NOTCH2: variants seen among roughly 807,000 people sequenced by gnomAD.
NOTCH2 encodes neurogenic locus notch homolog protein 2.
NOTCH2 carries 29 observed loss-of-function variants against 235.8 expected under a neutral mutation model. The ratio of observed to expected loss-of-function variants is 0.12; its 90% CI spans 0.09 to 0.17. NOTCH2 has a LOEUF of 0.17. Among genes scored for constraint, NOTCH2 ranks in the 10% least tolerant of loss-of-function variants. The pLI is 1.00. For missense variants in NOTCH2, 2,285 were observed against 3,150.2 expected, an observed-to-expected ratio of 0.73 and a Z score of 6.57; for synonymous variants, 1,086 against 1,141.5, an observed-to-expected ratio of 0.95 and a Z score of 0.98.
At position 120,009,146 on chromosome 1, in the gene NOTCH2, G is replaced by A. The variant is rs1382251737; in HGVS notation, c.156-3558C>T. ...CCATAACACAGAGAGCAGCCCTAGCGTGTCTGAGAAACAGCAAGAATATCT... is the reference window on the plus strand; with the variant it reads ...CCATAACACAGAGAGCAGCCCTAGCATGTCTGAGAAACAGCAAGAATATCT... On this transcript the variant is annotated intron_variant, in intron 2 of 33. Coordinates refer to ENST00000256646, the MANE Select transcript of NOTCH2 (RefSeq NM_024408.4). Among the ~76,000 whole-genome samples, 8 of 152,302 alleles carry A rather than the reference G, an allele frequency of 5.3e-5. No homozygotes were observed. In the South Asian group the frequency reaches 6.2e-4, roughly 12 times the overall value.
At chr1:119,925,857 G>A (rs1557806883) in intron 24 of NOTCH2, 47 bp from the exon 25 acceptor site, 1 of 1,608,650 alleles carries the variant, frequency 6.2e-7, no homozygotes, top group East Asian at 2.2e-5. Context: ...TAGGAAAACA[G>A]TCATATTGGA....
rs587704193 is a variant in NOTCH2, at chr1:120,062,688, C to T, written c.73+6646G>A. Among the ~76,000 whole-genome samples, 392 of 106,056 alleles carry T rather than the reference C, an allele frequency of 3.7e-3. 1 individual carries two copies. Among genetic ancestry groups the T allele is most frequent in the Middle Eastern group, 0.016 (4 of 258 alleles). 69.6% of individuals were successfully genotyped at this position (106,056 alleles called of 152,430 possible). ...AGAAGAGGAGAATACCCTGTACTTG[C>T]TACCACATGATGCCAAGGGAAGCAC... On this transcript the variant is annotated intron_variant, in intron 1 of 33. Transcript: ENST00000256646.
At chr1:119,938,616 ATTG>A (rs1299421020) in intron 19 of NOTCH2, among the ~76,000 whole-genome samples, 1 of 151,904 alleles carries the variant, frequency 6.6e-6, no homozygotes, top group Non-Finnish European at 1.5e-5. Context: ...CACATTGTTT[ATTG>A]TTGTGCACTC....
intron 1 of NOTCH2, chr1:120,069,127 A>G: frequency 6.6e-7 from 1 of 1,525,532 alleles, no homozygotes; most frequent in South Asian, 1.2e-5. Context: ...CGGGGAGCAG[A>G]GGCGGCGGGG....
chr1:119,930,894 C>T (rs982102497), intron 22 of NOTCH2, among the ~76,000 whole-genome samples: 2 of 148,194 alleles, frequency 1.3e-5, no homozygotes, highest in Non-Finnish European at 2.9e-5. Flanking sequence ...GTCAGGAGAT[C>T]GAGACCATCC....
intron 1 of NOTCH2, among the ~76,000 whole-genome samples, chr1:120,043,920 T>C (rs1228331013): frequency 6.9e-6 from 1 of 144,132 alleles, no homozygotes; most frequent in Non-Finnish European, 1.5e-5. Flanking sequence ...TTTGTAAAAT[T>C]GACACTGACA....
chr1:119,973,093 C>T (rs1216954002), intron 5 of NOTCH2, among the ~76,000 whole-genome samples: 9 of 152,222 alleles, frequency 5.9e-5, no homozygotes, highest in East Asian at 3.9e-4. Context: ...TGCATCTGTT[C>T]GATAGTGCTT....
intron 17 of NOTCH2, 136 bp downstream of exon 17, chr1:119,948,278 A>G (rs1650332773): frequency 2.3e-6 from 2 of 871,276 alleles, no homozygotes; most frequent in Non-Finnish European, 3.8e-6. Context: ...TTAAAACACT[A>G]CTGTTAAATA....
At chr1:119,928,000 T>C (rs1649530935) in intron 23 of NOTCH2, among the ~76,000 whole-genome samples, 3 of 152,174 alleles carry the variant, frequency 2.0e-5, no homozygotes, top group Admixed American at 2.0e-4. Context: ...TAAAGCCTAT[T>C]TTCTGACTCC....
At chr1:120,024,548 G>A (rs2101308117) in intron 2 of NOTCH2, among the ~76,000 whole-genome samples, 1 of 126,698 alleles carries the variant, frequency 7.9e-6, no homozygotes, top group South Asian at 2.9e-4. Flanking sequence ...TCCTGGCAAG[G>A]AAAATTGTTA....
rs1197682783 is a variant in NOTCH2 at position 119,929,097 on chromosome 1, A to T, written c.3771T>A (p.Ala1257=). Residue 1257 remains alanine (A), a synonymous_variant, in exon 23 of 34, where the codon GCT becomes GCA. Coordinates refer to ENST00000256646, the MANE Select transcript of NOTCH2 (RefSeq NM_024408.4). ...GYSCRCLPGF[A]GERCEGDINE... ...TGATGTCTCCCTCACAACGCTCCCCAGCAAAGCCAGGCAAGCAGCGACAAC... is the reference window on the plus strand; with the variant it reads ...TGATGTCTCCCTCACAACGCTCCCCTGCAAAGCCAGGCAAGCAGCGACAAC... 2 of 1,614,128 alleles carry T rather than the reference A, an allele frequency of 1.2e-6. No individual in the cohort carries two copies. Among genetic ancestry groups the T allele is most frequent in the African/African-American group, 2.7e-5 (2 of 74,944 alleles).
At chr1:119,957,829 AACACACACACACACACAC>A (rs3222739) in intron 12 of NOTCH2, among the ~76,000 whole-genome samples, 1,281 of 116,498 alleles carry the variant, frequency 0.011, 4 homozygotes, top group East Asian at 0.025. Flanking sequence ...GCCTTATATA[AACACACACACACACACAC>A]ACACACACAC....
At chr1:119,999,805 C>A (rs587627507) in intron 3 of NOTCH2, among the ~76,000 whole-genome samples, 1 of 151,610 alleles carries the variant, frequency 6.6e-6, no homozygotes, top group South Asian at 2.1e-4. Context: ...TCACTCGAAC[C>A]CAAGAGGTGG....
chr1:119,956,069 C>T (rs1421206158), intron 12 of NOTCH2, among the ~76,000 whole-genome samples: 1 of 152,078 alleles, frequency 6.6e-6, no homozygotes, highest in African/African-American at 2.4e-5. Context: ...AATGTGGATA[C>T]TGGGAGTAAG....
chr1:119,945,377 C>A (rs587655002), intron 17 of NOTCH2, among the ~76,000 whole-genome samples: 1 of 151,684 alleles, frequency 6.6e-6, no homozygotes, highest in African/African-American at 2.4e-5. Flanking sequence ...TTGAAGCCAG[C>A]CATATAAAAA....
intron 7 of NOTCH2, 97 bp downstream of exon 7, chr1:119,967,980 G>T: frequency 7.4e-7 from 1 of 1,344,696 alleles, no homozygotes; most frequent in Non-Finnish European, 1.1e-6. Context: ...AGGTTTGGGT[G>T]TATGTAATTT....
intron 22 of NOTCH2, among the ~76,000 whole-genome samples, chr1:119,930,037 G>A (rs1239039086): frequency 5.9e-5 from 9 of 152,204 alleles, no homozygotes; most frequent in African/African-American, 1.9e-4. Context: ...AAAACAAGGT[G>A]CAGGTTTGGA....
chr1:119,931,820 A>G (rs1649670793), intron 22 of NOTCH2, among the ~76,000 whole-genome samples: 1 of 151,850 alleles, frequency 6.6e-6, no homozygotes, highest in Non-Finnish European at 1.5e-5. Context: ...GCCATTTTAA[A>G]AGTGATAAAT....
chr1:119,934,433 AAACT>A (rs1649776889), intron 22 of NOTCH2, among the ~76,000 whole-genome samples: 2 of 152,252 alleles, frequency 1.3e-5, no homozygotes, highest in South Asian at 4.1e-4. Flanking sequence ...TCAAAGGAAC[AAACT>A]AACAATGAAC....
Sources: gnomAD v4.1 joint callset for allele counts (sites outside exome capture counted in the v4.1 genomes callset) on GRCh38, gnomAD v4.1.1 for gene constraint, MANE v1.5 for transcripts, NCBI Gene and HGNC (gene_info 2026-07-23, HGNC 2026-07-21) for gene names.